Variants in RESF1 observed in about 807,000 individuals in gnomAD.
RESF1 encodes the protein retroelement silencing factor 1, also known as gonad expressed transcript.
Under a neutral mutation model 134.7 loss-of-function variants are expected in RESF1, and 65 were observed. The ratio of observed to expected loss-of-function variants is 0.48; its 90% CI spans 0.40 to 0.59. RESF1 has a LOEUF of 0.59. Among genes scored for constraint, RESF1 ranks in the 20% least tolerant of loss-of-function variants. The pLI is 0.00. For synonymous variants in RESF1, 762 were observed against 702.2 expected, an observed-to-expected ratio of 1.09 and a Z score of -1.35; for missense variants, 2,274 against 2,002.7, an observed-to-expected ratio of 1.14 and a Z score of -2.59.
At position 31,987,948 on chromosome 12, in the gene RESF1, C is replaced by T. The variant is rs187602973; in HGVS notation, c.5086+626C>T. Among the ~76,000 whole-genome samples, 424 of 152,030 alleles carry T rather than the reference C, an allele frequency of 2.8e-3. 3 individuals are homozygous for T. The highest frequency in any genetic ancestry group is 9.5e-3 in the African/African-American group (393 of 41,478). On this transcript the variant is annotated intron_variant, in intron 5 of 5. Transcript: ENST00000312561. ...CAGGGTTTCACCGTGTTGGCCAGGC[C>T]GGTCCCAAACTCCTGACATCAGGTA...
At chr12:31,973,468 T>C (rs1331707485) in intron 3 of RESF1, among the ~76,000 whole-genome samples, 1 of 152,170 alleles carries the variant, frequency 6.6e-6, no homozygotes, top group Non-Finnish European at 1.5e-5. Context: ...CTACCTTGTC[T>C]GGCTACACTT....
At position 31,981,091 on chromosome 12, in the gene RESF1, A is replaced by C. The variant is rs1939772587; in HGVS notation, c.136A>C (p.Asn46His). The change falls in exon 4 of 6, where the codon AAC becomes CAC. Residue 46 changes from asparagine (N) to histidine (H), a missense_variant. By Grantham distance (68) the Asn-to-His change is moderately conservative. Coordinates refer to ENST00000312561, the MANE Select transcript of RESF1 (RefSeq NM_018169.4). ...GAGTTCTTTCAGCTATCCTGGAAGT[A>C]ACCAAGAAGCATGCATGTATCCCGG... ...SQSSFSYPGS[N>H]QEACMYPGNS... 1.9e-6 allele frequency: 3 copies of C among 1,614,104 alleles called. No homozygotes were observed. The highest frequency in any genetic ancestry group is 2.5e-6 in the Non-Finnish European group (3 of 1,180,036).
Position 31,983,460 on chromosome 12 carries a change from T to G in RESF1, c.2505T>G (p.Thr835=). 2 of 1,613,980 alleles carry G rather than the reference T, an allele frequency of 1.2e-6. No individual in the cohort carries two copies. The highest frequency in any genetic ancestry group is 2.7e-5 in the African/African-American group (2 of 75,032). Residue 835 remains threonine, a synonymous_variant, in exon 4 of 6, where the codon ACT becomes ACG. Transcript: ENST00000312561. The stretch of plus-strand genomic sequence containing the variant: ...CATCAACCAAGATTTTTCCACTAAC[T>G]CAGAAGGAAAAGCAGAATGAGTCAA... ...TATSTKIFPL[T]QKEKQNESTN... is the part of the protein sequence containing the mutation.
At chr12:31,968,450 CTTTT>C (rs34647835) in intron 2 of RESF1, among the ~76,000 whole-genome samples, 9 of 140,564 alleles carry the variant, frequency 6.4e-5, no homozygotes, top group African/African-American at 5.2e-5. Context: ...TAGGACTTCT[CTTTT>C]TTTTTTTTTT....
intron 3 of RESF1, among the ~76,000 whole-genome samples, chr12:31,978,997 T>G (rs988943542): frequency 6.7e-6 from 1 of 150,198 alleles, no homozygotes; most frequent in Non-Finnish European, 1.5e-5. Flanking sequence ...CTGGGCTCAC[T>G]GCAAGCTCCG....
Position 31,983,647 on chromosome 12 carries a change from C to T in RESF1, c.2692C>T (p.Leu898=). The T allele has an allele frequency of 3.7e-6, 6 of 1,614,030 alleles. No individual in the cohort carries two copies. Among genetic ancestry groups the T allele is most frequent in the Non-Finnish European group, 5.1e-6 (6 of 1,179,984 alleles). ...ATTACAGATTGACAATATTTGTTCT[C>T]TGGTTGAAGGTGATACCTCTTACAA... The part of the protein sequence containing the change: ...DTLQIDNICS[L]VEGDTSYNSQ... Residue 898 remains leucine (L), a synonymous_variant, in exon 4 of 6, where the codon CTG becomes TTG. Coordinates refer to ENST00000312561, the MANE Select transcript of RESF1 (RefSeq NM_018169.4).
intron 3 of RESF1, among the ~76,000 whole-genome samples, chr12:31,973,973 G>A (rs141352496): frequency 6.6e-6 from 1 of 152,240 alleles, no homozygotes; most frequent in African/African-American, 2.4e-5. Context: ...GACTTCGCCA[G>A]ACCTGTACTT....
chr12:31,984,624 T>A lies in RESF1; in HGVS notation c.3669T>A (p.Asp1223Glu). The A allele has an allele frequency of 6.3e-7, 1 of 1,575,306 alleles. No individual in the cohort carries two copies. The highest frequency in any genetic ancestry group is 8.6e-7 in the Non-Finnish European group (1 of 1,166,190). Residue 1223 changes from aspartate to glutamate, a missense_variant, in exon 4 of 6, where the codon GAT (aspartate) becomes GAA (glutamate). Physicochemically the swap from Asp to Glu is conservative, Grantham distance 45. Coordinates refer to ENST00000312561, the MANE Select transcript of RESF1 (RefSeq NM_018169.4). ...NSCKQGERTS[D>E]RDVTVVQFKS... ...GTAAACAAGGAGAGAGAACTTCTGA[T>A]AGAGATGTCACTGTTGTTCAATTTA...
chr12:31,987,289 A>G lies in RESF1; in HGVS notation c.5053A>G (p.Lys1685Glu), dbSNP rs769783815. The change falls in exon 5 of 6, where the codon AAG becomes GAG. Residue 1685 changes from lysine (K) to glutamate (E), a missense_variant. Coordinates refer to ENST00000312561, the MANE Select transcript of RESF1 (RefSeq NM_018169.4). ...KEDWLKFVATKKRTQKDSQER... is the reference protein window; with the variant it reads ...KEDWLKFVATEKRTQKDSQER... Reference sequence around the variant, plus strand: ...AGACTGGTTAAAATTTGTTGCTACAAAGAAAAGGACACAGAAAGACAGCCA... The same window carrying G: ...AGACTGGTTAAAATTTGTTGCTACAGAGAAAAGGACACAGAAAGACAGCCA... 1.6e-5 allele frequency: 25 copies of G among 1,603,530 alleles called. No homozygotes were observed. The highest frequency in any genetic ancestry group is 2.0e-5 in the Non-Finnish European group (24 of 1,171,876).
Position 31,983,852 on chromosome 12 carries a change from C to T in RESF1, c.2897C>T (p.Ser966Leu). Reference sequence around the variant, plus strand: ...AAACCTGTACAGTGCACAGATGTTTCACATAAAATATGTGATCAGTCAAAG... The same window carrying T: ...AAACCTGTACAGTGCACAGATGTTTTACATAAAATATGTGATCAGTCAAAG... The part of the protein sequence containing the change: ...KDKPVQCTDV[S>L]HKICDQSKSE... The change falls in exon 4 of 6, where the codon TCA (serine) becomes TTA (leucine). Residue 966 changes from serine (S) to leucine (L), a missense_variant. Coordinates refer to ENST00000312561, the MANE Select transcript of RESF1 (RefSeq NM_018169.4). The T allele has an allele frequency of 1.2e-6, 2 of 1,613,442 alleles. No individual in the cohort carries two copies. Among genetic ancestry groups the T allele is most frequent in the South Asian group, 1.1e-5 (1 of 91,080 alleles).
chr12:31,965,760 G>A lies in RESF1; in HGVS notation c.-246-4429G>A, dbSNP rs1939385058. Among the ~76,000 whole-genome samples, 8 of 152,086 alleles carry A rather than the reference G, an allele frequency of 5.3e-5. No individual in the cohort carries two copies. The South Asian group carries it at 1.7e-3, about 32-fold the overall frequency. On this transcript the variant is annotated intron_variant, in intron 2 of 5. Transcript: ENST00000312561. ...ACAAAAATTAGCTGGGCGTGGTGGC[G>A]TGTGCCTGAAATCCCAGCTGCTGGG...
In RESF1 at chr12:31,987,327, A is replaced by C; in HGVS notation, c.5086+5A>C. On this transcript the variant is annotated splice_donor_5th_base_variant and intron_variant, in intron 5 of 5. Transcript: ENST00000312561. ...AGAAAGACAGCCAAGAGAGAGGTAAAGTCATCTTTTTAAATCTTCATTCAC... is the reference window on the plus strand; with the variant it reads ...AGAAAGACAGCCAAGAGAGAGGTAACGTCATCTTTTTAAATCTTCATTCAC... 6.4e-7 allele frequency: 1 copy of C among 1,563,748 alleles called. No individual in the cohort carries two copies. Among genetic ancestry groups the C allele is most frequent in the African/African-American group, 1.4e-5 (1 of 73,530 alleles).
intron 2 of RESF1, among the ~76,000 whole-genome samples, chr12:31,967,678 G>T (rs997101780): frequency 5.8e-5 from 6 of 103,164 alleles, no homozygotes; most frequent in East Asian, 4.0e-4. Context: ...TTTTTTTTGT[G>T]TGTGTGTGTG....
intron 3 of RESF1, among the ~76,000 whole-genome samples, chr12:31,973,312 CT>C (rs112386514): frequency 0.066 from 9,797 of 147,390 alleles, 461 homozygotes; most frequent in Non-Finnish European, 0.093. Flanking sequence ...ATGGATTTGA[CT>C]TTTTTTTTTT....
At position 31,961,324 on chromosome 12, in the gene RESF1, T is replaced by C. The variant is rs977059907; in HGVS notation, c.-247+453T>C. Among the ~76,000 whole-genome samples, 17 of 152,336 alleles carry C rather than the reference T, an allele frequency of 1.1e-4. 3 individuals are homozygous for C. Among genetic ancestry groups the C allele is most frequent in the East Asian group, 1.9e-4 (1 of 5,190 alleles). Reference sequence around the variant, plus strand: ...AAGTGTGTTAGGAAGTCTCACCTAATGATTAAGACCATGGTCCCTGTAACC... The same window carrying C: ...AAGTGTGTTAGGAAGTCTCACCTAACGATTAAGACCATGGTCCCTGTAACC... On this transcript the variant is annotated intron_variant, in intron 2 of 5. Coordinates refer to ENST00000312561, the MANE Select transcript of RESF1 (RefSeq NM_018169.4).
At chr12:31,974,761 C>T (rs1468713059) in intron 3 of RESF1, among the ~76,000 whole-genome samples, 1 of 152,008 alleles carries the variant, frequency 6.6e-6, no homozygotes, top group Non-Finnish European at 1.5e-5. Context: ...GGGGGACGGG[C>T]AGTTATGAAG....
At chr12:31,987,405 A>G (rs1940000813) in intron 5 of RESF1, 83 bp downstream of exon 5, 2 of 795,362 alleles carry the variant, frequency 2.5e-6, no homozygotes, top group Non-Finnish European at 4.1e-6. Context: ...ATATGATTGT[A>G]AAGTATGATT....
rs757879558 is a variant in RESF1 at position 31,983,044 on chromosome 12, A to G, written c.2089A>G (p.Arg697Gly). The G allele has an allele frequency of 2.5e-6, 4 of 1,614,084 alleles. No homozygotes were observed. Among genetic ancestry groups the G allele is most frequent in the South Asian group, 1.1e-5 (1 of 91,082 alleles). The change falls in exon 4 of 6, where the codon AGA becomes GGA. Residue 697 changes from arginine (R) to glycine (G), a missense_variant. Arg to Gly is a moderately radical substitution (Grantham distance 125). Transcript: ENST00000312561. Reference sequence around the variant, plus strand: ...AAAAGAAAAGGAGTGTGATAAACTCAGAACAAACACAACAGCAGTTGGAAT... The same window carrying G: ...AAAAGAAAAGGAGTGTGATAAACTCGGAACAAACACAACAGCAGTTGGAAT... ...TAKEKECDKL[R>G]TNTTAVGISK...
chr12:31,986,779 C>A (rs137855870), intron 4 of RESF1, among the ~76,000 whole-genome samples: 1 of 152,274 alleles, frequency 6.6e-6, no homozygotes, highest in Non-Finnish European at 1.5e-5. Flanking sequence ...GCTTTTCTGA[C>A]TATATTTGTT....
Sources: gnomAD v4.1 joint callset for allele counts (sites outside exome capture counted in the v4.1 genomes callset) on GRCh38, gnomAD v4.1.1 for gene constraint, MANE v1.5 for transcripts, NCBI Gene and HGNC (gene_info 2026-07-23, HGNC 2026-07-21) for gene names.